The following WDFY4 variants were observed in gnomAD, a reference collection of about 807,000 sequenced individuals.
The protein encoded by WDFY4 is WDFY family member 4, also known as WD repeat- and FYVE domain-containing protein 4.
WDFY4 carries 169 observed loss-of-function variants against 351.9 expected under a neutral mutation model. The ratio of observed to expected loss-of-function variants is 0.48; its 90% CI spans 0.42 to 0.55. The LOEUF (loss-of-function observed/expected upper bound fraction) is 0.55. WDFY4 is among the 20% of genes least tolerant of loss of function. WDFY4 has a pLI of 0.00. For synonymous variants in WDFY4, 1,622 were observed against 1,574.6 expected (o/e 1.03, Z -0.71); for missense variants, 3,803 against 3,935.6 (o/e 0.97, Z 0.90).
At position 48,820,263 on chromosome 10, in the gene WDFY4, C is replaced by G. The variant is rs41283279; in HGVS notation, c.5535C>G (p.Thr1845=). The G allele has an allele frequency of 6.4e-7, 1 of 1,551,620 alleles. No individual in the cohort carries two copies. The highest frequency in any genetic ancestry group is 8.7e-7 in the Non-Finnish European group (1 of 1,146,984). The change falls in exon 33 of 62, where the codon ACC becomes ACG. Residue 1845 remains threonine, a synonymous_variant. Transcript: ENST00000325239. ...KGVGAESTRN[T]SSPEAAAEGD... is the part of the protein sequence containing the mutation. ...TTGGGGCTGAGTCCACCCGGAACAC[C>G]AGCAGTCCTGAGGCCGCAGCTGAAG... is the stretch of plus-strand genomic sequence containing the variant.
intron 45 of WDFY4, among the ~76,000 whole-genome samples, 181 bp downstream of exon 45, chr10:48,897,755 G>C (rs561519415): frequency 6.6e-6 from 1 of 152,376 alleles, no homozygotes; most frequent in South Asian, 2.1e-4. Flanking sequence ...GTCCCAGGTG[G>C]GAGTTCTGAC....
intron 20 of WDFY4, among the ~76,000 whole-genome samples, chr10:48,787,941 T>TCTTCTTCTTCTC (rs1565199071): frequency 9.3e-5 from 9 of 96,908 alleles, no homozygotes; most frequent in East Asian, 2.9e-4. Flanking sequence ...TTCTTCTTCT[T>TCTTCTTCTTCTC]CTTCTTCTTC....
intron 39 of WDFY4, among the ~76,000 whole-genome samples, chr10:48,833,825 A>C (rs1281795957): frequency 2.0e-5 from 3 of 152,218 alleles, no homozygotes; most frequent in African/African-American, 7.2e-5. Context: ...TTCCCCAGGG[A>C]GGTAAAGTAG....
At chr10:48,875,824 T>A (rs2069978583) in intron 42 of WDFY4, among the ~76,000 whole-genome samples, 1 of 152,206 alleles carries the variant, frequency 6.6e-6, no homozygotes, top group African/African-American at 2.4e-5. Context: ...GAAGTGAGGA[T>A]CTTGGGCTCT....
At chr10:48,813,360 T>A (rs2067521416) in intron 30 of WDFY4, among the ~76,000 whole-genome samples, 1 of 152,266 alleles carries the variant, frequency 6.6e-6, no homozygotes, top group Non-Finnish European at 1.5e-5. Flanking sequence ...CCTGAGTTTT[T>A]ATTTCTCTAA....
intron 57 of WDFY4, among the ~76,000 whole-genome samples, chr10:48,974,519 A>AAAAAAAAAAAC (rs1842472311): frequency 2.0e-5 from 1 of 49,924 alleles, no homozygotes; most frequent in Non-Finnish European, 3.6e-5. Context: ...AAAAAAAAAA[A>AAAAAAAAAAAC]AAAAAAAAAA....
At position 48,822,417 on chromosome 10, in the gene WDFY4, T is replaced by C. The variant is rs552397157; in HGVS notation, c.5862T>C (p.Ala1954=). The C allele has an allele frequency of 6.4e-7, 1 of 1,550,860 alleles. No homozygotes were observed. Among genetic ancestry groups the C allele is most frequent in the South Asian group, 1.2e-5 (1 of 83,666 alleles). ...CTCAGCCAAGTGCAGAAGCTGCTGC[T>C]GCCCCTTCTCTTGCCAACATCTCCT... ...KEPQPSAEAA[A]APSLANISCF... The change falls in exon 35 of 62, where the codon GCT becomes GCC. Residue 1954 remains alanine, a synonymous_variant. Transcript: ENST00000325239.
chr10:48,788,874 T>A (rs2066584635), intron 21 of WDFY4, among the ~76,000 whole-genome samples, 199 bp downstream of exon 21: 1 of 152,262 alleles, frequency 6.6e-6, no homozygotes, highest in Non-Finnish European at 1.5e-5. Context: ...GCCTTTCATT[T>A]ATAATTATTC....
rs537339162 is a variant in WDFY4, at chr10:48,763,191, C to A, written c.2553+2751C>A. Among the ~76,000 whole-genome samples the A allele has an allele frequency of 3.3e-5, 5 of 152,346 alleles. No homozygotes were observed. The East Asian group carries it at 7.7e-4, about 23-fold the overall frequency. ...AGGAATGCTATTTCTCCAATCTTCA[C>A]AGCAACCTTTTGAAGTCCATGAGAT... On this transcript the variant is annotated intron_variant, in intron 13 of 61. Coordinates refer to ENST00000325239, the MANE Select transcript of WDFY4 (RefSeq NM_001394531.1).
intron 39 of WDFY4, among the ~76,000 whole-genome samples, chr10:48,864,392 G>T (rs961181168): frequency 3.3e-5 from 5 of 152,132 alleles, no homozygotes; most frequent in Non-Finnish European, 5.9e-5. Flanking sequence ...ATTGAATATA[G>T]ACAAATTGTT....
At chr10:48,973,380 G>A (rs977052164) in intron 57 of WDFY4, among the ~76,000 whole-genome samples, 4 of 152,100 alleles carry the variant, frequency 2.6e-5, no homozygotes, top group African/African-American at 4.8e-5. Flanking sequence ...TTAACTTGCC[G>A]GCACCATCTG....
At chr10:48,976,581 G>T (rs1842578297) in intron 58 of WDFY4, 1 of 375,680 alleles carries the variant, frequency 2.7e-6, no homozygotes, top group East Asian at 3.9e-5. Flanking sequence ...AAGTATCTAA[G>T]CACATGACTG....
intron 39 of WDFY4, among the ~76,000 whole-genome samples, chr10:48,837,821 C>G (rs2068455614): frequency 6.6e-6 from 1 of 152,196 alleles, no homozygotes; most frequent in African/African-American, 2.4e-5. Flanking sequence ...TGGATTTCAG[C>G]CCACTTTCCT....
At chr10:48,703,358 G>A (rs2063533510) in intron 1 of WDFY4, among the ~76,000 whole-genome samples, 1 of 152,194 alleles carries the variant, frequency 6.6e-6, no homozygotes, top group Admixed American at 6.5e-5. Flanking sequence ...ATCTGGTTTA[G>A]AGGCTTCCCC....
In WDFY4 at chr10:48,826,846, A is replaced by G. The variant is rs1207421894; in HGVS notation, c.6158A>G (p.Tyr2053Cys). Residue 2053 changes from tyrosine to cysteine, a missense_variant, in exon 36 of 62, where the codon TAC (tyrosine) becomes TGC (cysteine). Transcript: ENST00000325239. ...QEHWDVVFAT[Y>C]NSNISFLLCL... ...CACTGGGATGTTGTCTTTGCCACCT[A>G]CAATTCCAACATCAGCTTCCTCCTG... 6.4e-7 allele frequency: 1 copy of G among 1,551,756 alleles called. No individual in the cohort carries two copies. The highest frequency in any genetic ancestry group is 2.0e-5 in the Admixed American group (1 of 51,008).
chr10:48,743,365 G>C lies in WDFY4; in HGVS notation c.2276G>C (p.Arg759Pro). The C allele has an allele frequency of 2.6e-6, 4 of 1,551,580 alleles. No homozygotes were observed. Among genetic ancestry groups the C allele is most frequent in the Non-Finnish European group, 3.5e-6 (4 of 1,146,986 alleles). ...TCCTCCAGCGGCTCACTCCCACCCC[G>C]GATACAGAGCTGCCTCCAGATCCTT... ...AFSSSGSLPP[R>P]IQSCLQILGF... Residue 759 changes from arginine to proline, a missense_variant, in exon 12 of 62, where the codon CGG becomes CCG. Arg to Pro is a moderately radical substitution (Grantham distance 103). Around this residue, in one of 3 missense-constraint regions of WDFY4, gnomAD observed 3,054 missense variants for 3,148.6 expected, o/e 0.97. Transcript: ENST00000325239.
At chr10:48,867,456 C>T in intron 40 of WDFY4, 114 bp downstream of exon 40, 1 of 567,236 alleles carries the variant, frequency 1.8e-6, no homozygotes, top group East Asian at 4.1e-5. Flanking sequence ...CAGGCTTGCA[C>T]CATGTTGGGG....
At chr10:48,813,903 G>A (rs191377899) in intron 30 of WDFY4, 54 bp from the exon 31 acceptor site, 42 of 1,435,128 alleles carry the variant, frequency 2.9e-5, no homozygotes, top group Middle Eastern at 4.3e-4. Flanking sequence ...TGCAAAGCTC[G>A]TTCTCTTGGT....
chr10:48,934,357 T>C (rs1840220947), intron 47 of WDFY4, among the ~76,000 whole-genome samples: 1 of 152,182 alleles, frequency 6.6e-6, no homozygotes, highest in Non-Finnish European at 1.5e-5. Flanking sequence ...TTTACAGACA[T>C]TACAATTGAG....
Sources: allele counts gnomAD v4.1 joint callset (sites outside exome capture counted in the v4.1 genomes callset), GRCh38; gene constraint gnomAD v4.1.1; regional missense constraint gnomAD v4.1.1; transcripts MANE v1.5; gene names NCBI Gene and HGNC (gene_info 2026-07-23, HGNC 2026-07-21).